CLYBL: variants seen among roughly 807,000 people sequenced by gnomAD.
CLYBL encodes the protein citramalyl-CoA lyase, also known as citramalyl-CoA lyase, mitochondrial.
In CLYBL, 31 loss-of-function variants were observed where a neutral mutation model predicts 38.9. The observed-to-expected ratio is 0.80, with a 90% confidence interval of 0.60 to 1.08. The LOEUF (loss-of-function observed/expected upper bound fraction) is 1.08, where lower values mean the gene tolerates loss of function less well. CLYBL is among the 50% of genes least tolerant of loss of function. The probability of loss-of-function intolerance (pLI) is 0.00; values close to 1 mark genes in which losing one functional copy is unlikely to be tolerated. For synonymous variants in CLYBL, 171 were observed against 158.6 expected, an observed-to-expected ratio of 1.08 and a Z score of -0.59; for missense variants, 434 against 411.6, an observed-to-expected ratio of 1.05 and a Z score of -0.47.
At chr13:99,801,047 TGTAA>T (rs2050125765) in intron 2 of CLYBL, among the ~76,000 whole-genome samples, 1 of 151,570 alleles carries the variant, frequency 6.6e-6, no homozygotes, top group South Asian at 2.1e-4. Flanking sequence ...GCTCTGAGGG[TGTAA>T]GTGAGGGCAG....
intron 2 of CLYBL, among the ~76,000 whole-genome samples, chr13:99,818,446 A>AACACACACACACACACACACAC (rs57249330): frequency 4.9e-4 from 70 of 143,324 alleles, no homozygotes; most frequent in Admixed American, 3.0e-3. Context: ...TGGAGCAGAA[A>AACACACACACACACACACACAC]ACACACACAC....
At chr13:99,823,062 A>T (rs946515991) in intron 2 of CLYBL, among the ~76,000 whole-genome samples, 5 of 152,232 alleles carry the variant, frequency 3.3e-5, no homozygotes, top group Non-Finnish European at 7.3e-5. Flanking sequence ...ATATTTTCAC[A>T]ACTGAGCCAT....
At chr13:99,664,327 T>C (rs572457704) in intron 1 of CLYBL, among the ~76,000 whole-genome samples, 35 of 152,374 alleles carry the variant, frequency 2.3e-4, no homozygotes, top group African/African-American at 8.2e-4. Context: ...AGAGATAATT[T>C]TGTTTTCAAA....
intron 1 of CLYBL, among the ~76,000 whole-genome samples, chr13:99,693,195 A>G (rs2047933051): frequency 6.6e-6 from 1 of 152,124 alleles, no homozygotes; most frequent in Non-Finnish European, 1.5e-5. Context: ...TCTTATATTC[A>G]TTATCATTAG....
intron 2 of CLYBL, among the ~76,000 whole-genome samples, chr13:99,819,416 T>TTTTATATA: frequency 5.4e-5 from 1 of 18,386 alleles, no homozygotes; most frequent in African/African-American, 2.4e-4. Flanking sequence ...GGGAAAAAAT[T>TTTTATATA]TATATATATA....
chr13:99,636,896 T>G (rs993300008), intron 1 of CLYBL, among the ~76,000 whole-genome samples: 17 of 152,096 alleles, frequency 1.1e-4, no homozygotes, highest in African/African-American at 4.1e-4. Flanking sequence ...AAACTTTTTT[T>G]TTTAGACTTA....
intron 7 of CLYBL, among the ~76,000 whole-genome samples, chr13:99,889,703 G>A (rs2052438957): frequency 1.3e-5 from 2 of 152,050 alleles, no homozygotes; most frequent in South Asian, 4.2e-4. Context: ...TCAATCAAAA[G>A]ATAAATCCCA....
At chr13:99,610,564 G>A (rs2763937) in intron 1 of CLYBL, among the ~76,000 whole-genome samples, 128,823 of 152,082 alleles carry the variant, frequency 0.85, 54,660 homozygotes, top group Middle Eastern at 0.91. Context: ...TTAGACAAAG[G>A]TTTCCTTAAA....
At chr13:99,861,076 C>G (rs1390956291) in intron 3 of CLYBL, among the ~76,000 whole-genome samples, 1 of 152,172 alleles carries the variant, frequency 6.6e-6, no homozygotes, top group East Asian at 1.9e-4. Context: ...TCTCCCCCTT[C>G]TTCTCCTCCC....
chr13:99,798,500 AG>A (rs150070921), intron 2 of CLYBL, among the ~76,000 whole-genome samples: 4,121 of 152,336 alleles, frequency 0.027, 76 homozygotes, highest in Non-Finnish European at 0.045. Flanking sequence ...ATGGTAACAG[AG>A]CAAATAGTTG....
intron 2 of CLYBL, among the ~76,000 whole-genome samples, chr13:99,793,577 A>G (rs777083340): frequency 3.3e-5 from 5 of 152,208 alleles, no homozygotes; most frequent in Non-Finnish European, 7.3e-5. Context: ...GTAATTGTTA[A>G]AAAATAAATA....
intron 1 of CLYBL, among the ~76,000 whole-genome samples, chr13:99,674,869 C>G (rs1438810086): frequency 3.3e-5 from 5 of 152,076 alleles, no homozygotes; most frequent in African/African-American, 9.7e-5. Flanking sequence ...ATTAGGAAAC[C>G]AAGAATCGAC....
downstream of CLYBL, chr13:99,895,895 C>A (rs1394073832): frequency 6.6e-6 from 1 of 152,122 alleles, no homozygotes; most frequent in African/African-American, 2.4e-5. Context: ...CATTCATGCC[C>A]TTCCTTTTAA....
At chr13:99,673,815 C>T (rs899550793) in intron 1 of CLYBL, among the ~76,000 whole-genome samples, 4 of 152,120 alleles carry the variant, frequency 2.6e-5, no homozygotes, top group Non-Finnish European at 4.4e-5. Flanking sequence ...AGTGGGGAGA[C>T]CCGTCAGGAG....
intron 1 of CLYBL, among the ~76,000 whole-genome samples, chr13:99,704,664 C>T (rs866492344): frequency 6.6e-6 from 1 of 152,290 alleles, no homozygotes; most frequent in Middle Eastern, 3.4e-3. Context: ...GAACCAGGTG[C>T]ACACGCCAGG....
chr13:99,663,418 C>G (rs1476345904), intron 1 of CLYBL, among the ~76,000 whole-genome samples: 7 of 152,178 alleles, frequency 4.6e-5, no homozygotes, highest in Non-Finnish European at 1.5e-5. Context: ...CCCACAGCAC[C>G]CATTGCTGCC....
intron 1 of CLYBL, among the ~76,000 whole-genome samples, chr13:99,640,594 G>A (rs539651002): frequency 1.3e-5 from 2 of 152,320 alleles, no homozygotes; most frequent in East Asian, 1.9e-4. Context: ...TGCTTCTAAA[G>A]GAGTATTCCT....
intron 1 of CLYBL, among the ~76,000 whole-genome samples, chr13:99,704,991 ACAACATTATGTTTG>A (rs954643866): frequency 1.1e-4 from 16 of 152,320 alleles, no homozygotes; most frequent in African/African-American, 3.8e-4. Context: ...GCATCTATTT[ACAACATTATGTTTG>A]CAACATTATG....
chr13:99,754,348 T>G (rs1594161207), intron 1 of CLYBL, among the ~76,000 whole-genome samples: 1 of 133,618 alleles, frequency 7.5e-6, no homozygotes, highest in Non-Finnish European at 1.5e-5. Context: ...GTCAGGGAGG[T>G]GGAGGTTGCT....
Sources: allele counts gnomAD v4.1 joint callset (sites outside exome capture counted in the v4.1 genomes callset), GRCh38; gene constraint gnomAD v4.1.1; transcripts MANE v1.5; gene names NCBI Gene and HGNC (gene_info 2026-07-23, HGNC 2026-07-21).